OPA3: variants seen among roughly 807,000 people sequenced by gnomAD.
The protein encoded by OPA3 is optic atrophy 3 protein.
A neutral mutation model predicts 4.0 loss-of-function variants in OPA3; 6 were observed. The ratio of observed to expected loss-of-function variants is 1.51; its 90% CI spans 0.83 to 2.99. The LOEUF (loss-of-function observed/expected upper bound fraction) is 2.99, where lower values mean the gene tolerates loss of function less well. OPA3 is among the 30% of genes most tolerant of loss of function. The pLI is 0.00. For missense variants in OPA3, 235 were observed against 256.2 expected (o/e 0.92, Z 0.56); for synonymous variants, 105 against 117.1 (o/e 0.90, Z 0.67).
At position 45,580,222 on chromosome 19, in the gene OPA3, T is replaced by C. The variant is rs137978135; in HGVS notation, c.142+4401A>G. On this transcript the variant is annotated intron_variant, in intron 1 of 1. Transcript: ENST00000263275. ...ATGTTGGTCAGGCAGGTCTTGAAATTTGACTTCGTGATCTGCCCACCTTGG... is the reference window on the plus strand; with the variant it reads ...ATGTTGGTCAGGCAGGTCTTGAAATCTGACTTCGTGATCTGCCCACCTTGG... 4.0e-5 allele frequency among the ~76,000 whole-genome samples: 6 copies of C among 151,346 alleles called. No homozygotes were observed. The South Asian group carries it at 6.3e-4, about 16-fold the overall frequency.
chr19:45,540,450 A>C (rs1391002850), intron 1 of OPA3, among the ~76,000 whole-genome samples: 1 of 151,216 alleles, frequency 6.6e-6, no homozygotes, highest in African/African-American at 2.4e-5. Context: ...AGCCCCAGCT[A>C]CTTGGGGGGT....
chr19:45,539,889 G>T (rs955655574), intron 1 of OPA3, among the ~76,000 whole-genome samples: 1 of 152,200 alleles, frequency 6.6e-6, no homozygotes, highest in Non-Finnish European at 1.5e-5. Flanking sequence ...GGGGCTGAAG[G>T]AAGGAGAATG....
At chr19:45,533,233 A>T (rs1034857608) in intron 1 of OPA3, among the ~76,000 whole-genome samples, 2 of 143,080 alleles carry the variant, frequency 1.4e-5, no homozygotes, top group Admixed American at 7.1e-5. Context: ...TCTCACTCTG[A>T]CGCCCAGGCT....
chr19:45,541,282 T>C (rs1969182608), downstream of OPA3, among the ~76,000 whole-genome samples: 2 of 152,088 alleles, frequency 1.3e-5, no homozygotes, highest in Non-Finnish European at 2.9e-5. Context: ...TCAGAGGAAG[T>C]GTGTGTCTAA....
chr19:45,544,942 C>A (rs1014311367), downstream of OPA3, among the ~76,000 whole-genome samples: 1 of 151,712 alleles, frequency 6.6e-6, no homozygotes, highest in Non-Finnish European at 1.5e-5. Context: ...GAGATCGTGT[C>A]ATTGCACTCC....
intron 1 of OPA3, among the ~76,000 whole-genome samples, chr19:45,555,551 C>T (rs549251346): frequency 2.3e-4 from 35 of 151,764 alleles, no homozygotes; most frequent in Non-Finnish European, 3.8e-4. Context: ...AGTGCAGTGG[C>T]GCGATCTCGG....
chr19:45,548,569 AG>A lies in OPA3; in HGVS notation c.*4944del, dbSNP rs1969284718. 2 of 985,294 alleles carry A rather than the reference AG, an allele frequency of 2.0e-6. No individual in the cohort carries two copies. Among genetic ancestry groups the A allele is most frequent in the African/African-American group, 3.5e-5 (2 of 57,236 alleles). The allele number at this position is 985,294 out of a possible 1,614,324, so 61.0% of individuals were successfully genotyped here. A position where few individuals can be genotyped will look rare whatever the true frequency, so the allele number is the denominator to read the frequency against. On this transcript the variant is annotated 3_prime_UTR_variant, in exon 2 of 2. Coordinates refer to ENST00000263275, the MANE Select transcript of OPA3 (RefSeq NM_025136.4). ...AGCATCTGTAAGACCCGGTGACGGC[AG>A]GGCTGGGGCTGTCTCTGTCACCACT...
rs774790473 is a variant in OPA3 at position 45,553,846 on chromosome 19, G to A, written c.208C>T (p.Pro70Ser). Residue 70 changes from proline to serine, a missense_variant, in exon 2 of 2, where the codon CCG becomes TCG. Transcript: ENST00000263275. ...IMGFRGTVIK[P>S]LNEEAAAELG... The stretch of plus-strand genomic sequence containing the variant: ...TCAGCTGCCGCCTCCTCGTTCAGCG[G>A]CTTGATGACCGTGCCCCGGAAGCCC... The A allele has an allele frequency of 2.5e-6, 4 of 1,612,426 alleles. No homozygotes were observed. The East Asian group carries it at 8.9e-5, about 36-fold the overall frequency.
intron 1 of OPA3, 85 bp downstream of exon 1, chr19:45,584,538 G>T: frequency 1.9e-6 from 3 of 1,609,066 alleles, no homozygotes; most frequent in Non-Finnish European, 2.5e-6. Context: ...GTGATTGGTC[G>T]TAGACAGAAG....
chr19:45,561,605 T>C (rs1167185189), intron 1 of OPA3, among the ~76,000 whole-genome samples: 2 of 152,004 alleles, frequency 1.3e-5, no homozygotes, highest in Non-Finnish European at 2.9e-5. Flanking sequence ...AGAGGTTATT[T>C]AATATGGGAG....
At chr19:45,530,842 G>A (rs1450136310) in intron 1 of OPA3, among the ~76,000 whole-genome samples, 1 of 148,826 alleles carries the variant, frequency 6.7e-6, no homozygotes, top group African/African-American at 2.5e-5. Flanking sequence ...GCTCGCTGCA[G>A]CCTCTGCCTC....
chr19:45,557,807 C>T (rs575030886), intron 1 of OPA3, among the ~76,000 whole-genome samples: 47 of 152,352 alleles, frequency 3.1e-4, no homozygotes, highest in African/African-American at 9.9e-4. Flanking sequence ...TGTCTGCAAT[C>T]AGTCTCCCCA....
downstream of OPA3, among the ~76,000 whole-genome samples, chr19:45,541,581 T>C (rs75417540): frequency 2.0e-5 from 3 of 152,060 alleles, no homozygotes; most frequent in Non-Finnish European, 4.4e-5. Flanking sequence ...AATTTTTTTT[T>C]GGAGAAAGAG....
rs866729273 is a variant in OPA3, at chr19:45,562,658, C to A, written c.143-8747G>T. 2.0e-5 allele frequency among the ~76,000 whole-genome samples: 3 copies of A among 152,308 alleles called. No homozygotes were observed. In the Middle Eastern group the frequency reaches 0.01, roughly 522 times the overall value. On this transcript the variant is annotated intron_variant, in intron 1 of 1. Transcript: ENST00000263275. The stretch of plus-strand genomic sequence containing the variant: ...GAGCTGAGATCGCGCCACTGCCCAG[C>A]CTGGGAGACACAGCGAGACTCAGTC...
At chr19:45,563,035 A>C (rs976933097) in intron 1 of OPA3, among the ~76,000 whole-genome samples, 40 of 152,280 alleles carry the variant, frequency 2.6e-4, no homozygotes, top group African/African-American at 9.6e-4. Context: ...TGCTGGTGTA[A>C]GTGTAAATCC....
At chr19:45,533,485 C>T (rs1296511570) in intron 1 of OPA3, among the ~76,000 whole-genome samples, 2 of 152,234 alleles carry the variant, frequency 1.3e-5, no homozygotes, top group Non-Finnish European at 2.9e-5. Context: ...TGAGCCACCG[C>T]GCCCAGCTGA....
At chr19:45,572,980 C>T (rs1376096628) in intron 1 of OPA3, among the ~76,000 whole-genome samples, 1 of 151,298 alleles carries the variant, frequency 6.6e-6, no homozygotes, top group Non-Finnish European at 1.5e-5. Flanking sequence ...CAATTAGGTA[C>T]CCCTAGGGGT....
chr19:45,538,732 A>AAG (rs1969150360), intron 1 of OPA3, among the ~76,000 whole-genome samples: 1 of 152,110 alleles, frequency 6.6e-6, no homozygotes. Flanking sequence ...CAAAAAAAAA[A>AAG]AAAAGAAAAG....
chr19:45,530,991 C>T (rs1318022239), intron 1 of OPA3, among the ~76,000 whole-genome samples: 3 of 103,294 alleles, frequency 2.9e-5, no homozygotes, highest in African/African-American at 3.8e-5. Context: ...GGTTTCACTA[C>T]GTTGGTCAGG....
Sources: allele counts gnomAD v4.1 joint callset (sites outside exome capture counted in the v4.1 genomes callset), GRCh38; gene constraint gnomAD v4.1.1; transcripts MANE v1.5; gene names NCBI Gene and HGNC (gene_info 2026-07-23, HGNC 2026-07-21).